The following NRXN3 variants were observed in gnomAD, a reference collection of about 807,000 sequenced individuals.
NRXN3 encodes the protein neurexin III.
NRXN3 carries 32 observed loss-of-function variants against 137.6 expected under a neutral mutation model. The observed-to-expected ratio is 0.23, with a 90% CI of 0.18 to 0.31. The LOEUF (loss-of-function observed/expected upper bound fraction) is 0.31, where lower values mean the gene tolerates loss of function less well. NRXN3 is among the 10% of genes least tolerant of loss of function. NRXN3 has a pLI of 1.00. For synonymous variants in NRXN3, 798 were observed against 784.5 expected, an observed-to-expected ratio of 1.02 and a Z score of -0.29; for missense variants, 1,574 against 2,062.5, an observed-to-expected ratio of 0.76 and a Z score of 4.59.
At chr14:79,098,095 C>T (rs1018132341) in intron 15 of NRXN3, among the ~76,000 whole-genome samples, 1 of 152,130 alleles carries the variant, frequency 6.6e-6, no homozygotes, top group African/African-American at 2.4e-5. Context: ...TTTGAAAAGT[C>T]ACTTGGGAAG....
chr14:79,427,727 G>A (rs2095677242), intron 15 of NRXN3, among the ~76,000 whole-genome samples: 1 of 151,732 alleles, frequency 6.6e-6, no homozygotes, highest in Non-Finnish European at 1.5e-5. Context: ...GGCTACTCAG[G>A]AGGCTGAGGC....
intron 4 of NRXN3, among the ~76,000 whole-genome samples, chr14:78,456,799 CTCTTTCTTTCTT>C (rs374674586): frequency 5.4e-3 from 531 of 97,686 alleles, no homozygotes; most frequent in Middle Eastern, 0.015. Context: ...CTCTCTTTCT[CTCTTTCTTTCTT>C]TCTTTCTTTC....
chr14:79,672,361 G>T (rs2154000632), intron 17 of NRXN3, among the ~76,000 whole-genome samples: 1 of 152,006 alleles, frequency 6.6e-6, no homozygotes, highest in East Asian at 1.9e-4. Flanking sequence ...ATGTAACCAG[G>T]GATGTAAGAT....
intron 4 of NRXN3, among the ~76,000 whole-genome samples, chr14:78,480,814 C>A (rs1412350702): frequency 1.3e-5 from 2 of 152,170 alleles, no homozygotes; most frequent in Non-Finnish European, 2.9e-5. Flanking sequence ...AAAATGAGGA[C>A]CAGGTCAAGT....
At position 78,369,087 on chromosome 14, in the gene NRXN3, A is replaced by G. The variant is rs78736740; in HGVS notation, c.757+71227A>G. Among the ~76,000 whole-genome samples the G allele has an allele frequency of 7.7e-3, 1,167 of 152,248 alleles. 8 individuals carry two copies. Among genetic ancestry groups the G allele is most frequent in the Non-Finnish European group, 0.011 (765 of 67,998 alleles). ...CTTGGGTTTCTGGATTAATCGCTTA[A>G]TATGGGCATCTAAATTTATCTACCT... On this transcript the variant is annotated intron_variant, in intron 4 of 20. Transcript: ENST00000335750.
At chr14:78,581,018 G>T (rs2096989311) in intron 4 of NRXN3, among the ~76,000 whole-genome samples, 1 of 152,174 alleles carries the variant, frequency 6.6e-6, no homozygotes, top group Non-Finnish European at 1.5e-5. Flanking sequence ...TCTACTATAT[G>T]CCAGGTACTC....
chr14:79,066,045 G>T (rs375881655), intron 15 of NRXN3, among the ~76,000 whole-genome samples: 3 of 152,076 alleles, frequency 2.0e-5, no homozygotes, highest in Non-Finnish European at 4.4e-5. Context: ...TGCTTTTGGC[G>T]TTTTTGTCAT....
At chr14:78,429,246 T>TATATATA (rs59488018) in intron 4 of NRXN3, among the ~76,000 whole-genome samples, 4,048 of 151,198 alleles carry the variant, frequency 0.027, 175 homozygotes, top group African/African-American at 0.092. Context: ...ATATATATAT[T>TATATATA]TTTTGTATAT....
intron 4 of NRXN3, among the ~76,000 whole-genome samples, chr14:78,446,628 C>T (rs1433564837): frequency 6.6e-6 from 1 of 152,166 alleles, no homozygotes; most frequent in Admixed American, 6.5e-5. Flanking sequence ...TCATGATATT[C>T]TGCAATGTAA....
At chr14:79,560,476 C>A (rs1430815729) in intron 16 of NRXN3, among the ~76,000 whole-genome samples, 20 of 129,852 alleles carry the variant, frequency 1.5e-4, no homozygotes, top group Admixed American at 9.2e-4. Context: ...GTAGCAATAA[C>A]TTAATTCTAC....
intron 2 of NRXN3, among the ~76,000 whole-genome samples, chr14:78,253,565 C>T (rs1181333221): frequency 6.6e-6 from 1 of 152,030 alleles, no homozygotes; most frequent in Non-Finnish European, 1.5e-5. Flanking sequence ...GTGCCAGCTA[C>T]TTGGGAAGCT....
intron 4 of NRXN3, among the ~76,000 whole-genome samples, chr14:78,514,773 T>C (rs1175037935): frequency 6.6e-6 from 1 of 152,156 alleles, no homozygotes; most frequent in Non-Finnish European, 1.5e-5. Context: ...ATAGTGACTA[T>C]AAGGGTCAAA....
chr14:79,345,820 A>T (rs1301822919), intron 15 of NRXN3, among the ~76,000 whole-genome samples: 17 of 152,154 alleles, frequency 1.1e-4, no homozygotes, highest in Admixed American at 1.1e-3. Context: ...AGCTGAGCAA[A>T]TGTTGGCACA....
intron 15 of NRXN3, among the ~76,000 whole-genome samples, chr14:79,019,248 T>G (rs2099584749): frequency 6.6e-6 from 1 of 152,204 alleles, no homozygotes; most frequent in Non-Finnish European, 1.5e-5. Context: ...AGGATATGCA[T>G]AGAAGATGCC....
chr14:79,670,574 G>C (rs1386795316), intron 17 of NRXN3, among the ~76,000 whole-genome samples: 2 of 152,060 alleles, frequency 1.3e-5, no homozygotes, highest in African/African-American at 2.4e-5. Context: ...GTACTGGCTA[G>C]AGGTATGTTT....
intron 19 of NRXN3, among the ~76,000 whole-genome samples, chr14:79,798,209 TA>T (rs952765170): frequency 1.3e-5 from 2 of 151,954 alleles, no homozygotes; most frequent in South Asian, 2.1e-4. Context: ...TAGATACATT[TA>T]AAAAAAAGGT....
intron 10 of NRXN3, among the ~76,000 whole-genome samples, chr14:78,911,050 T>C (rs947628686): frequency 6.6e-6 from 1 of 152,226 alleles, no homozygotes; most frequent in East Asian, 1.9e-4. Context: ...TGCTAGACTT[T>C]ATATTAATTA....
At chr14:78,753,400 T>G (rs1014192858) in intron 8 of NRXN3, among the ~76,000 whole-genome samples, 9 of 152,228 alleles carry the variant, frequency 5.9e-5, no homozygotes, top group African/African-American at 1.9e-4. Flanking sequence ...TTTTGGCTAT[T>G]TAGAGATTGC....
intron 10 of NRXN3, among the ~76,000 whole-genome samples, chr14:78,835,589 T>C (rs1026942000): frequency 1.3e-5 from 2 of 152,176 alleles, no homozygotes; most frequent in African/African-American, 4.8e-5. Flanking sequence ...GAGAAATTGT[T>C]ATATTTCTCA....
Sources: allele counts gnomAD v4.1 joint callset (sites outside exome capture counted in the v4.1 genomes callset), GRCh38; gene constraint gnomAD v4.1.1; transcripts MANE v1.5; gene names NCBI Gene and HGNC (gene_info 2026-07-23, HGNC 2026-07-21).